Variants in GNG12 observed in about 807,000 individuals in gnomAD.
The protein encoded by GNG12 is G protein subunit gamma 12, also known as guanine nucleotide-binding protein G(I)/G(S)/G(O) subunit gamma-12.
For missense variants in GNG12, 69 were observed against 83.8 expected (o/e 0.82, Z 0.69); for synonymous variants, 28 against 29.7 (o/e 0.94, Z 0.19).
intron 1 of GNG12, among the ~76,000 whole-genome samples, chr1:67,817,452 G>A (rs946962535): frequency 2.6e-5 from 4 of 152,200 alleles, no homozygotes; most frequent in Non-Finnish European, 4.4e-5. Context: ...GAATGGCAGA[G>A]CTGGGCTTTG....
intron 1 of GNG12, among the ~76,000 whole-genome samples, chr1:67,787,070 T>TGTG (rs1491226955): frequency 2.2e-4 from 31 of 139,562 alleles, no homozygotes; most frequent in African/African-American, 8.5e-4. Context: ...TGTGTGTGTG[T>TGTG]ATAGTCCCCC....
At chr1:67,718,436 A>C (rs1447546433) in intron 2 of GNG12, among the ~76,000 whole-genome samples, 1 of 152,230 alleles carries the variant, frequency 6.6e-6, no homozygotes, top group Non-Finnish European at 1.5e-5. Flanking sequence ...AATATTATTG[A>C]AATGTTTTTT....
intron 2 of GNG12, among the ~76,000 whole-genome samples, chr1:67,712,397 A>G (rs1423218942): frequency 6.6e-6 from 1 of 152,232 alleles, no homozygotes; most frequent in African/African-American, 2.4e-5. Flanking sequence ...TCTTGCTTCA[A>G]AAGTTAACCC....
chr1:67,746,366 C>T (rs1049020154), intron 2 of GNG12, among the ~76,000 whole-genome samples: 1 of 152,198 alleles, frequency 6.6e-6, no homozygotes, highest in Non-Finnish European at 1.5e-5. Flanking sequence ...CCCACTTTCC[C>T]CTCTAGCTCG....
chr1:67,808,139 G>A (rs1242225458), intron 1 of GNG12, among the ~76,000 whole-genome samples: 5 of 152,076 alleles, frequency 3.3e-5, no homozygotes, highest in Non-Finnish European at 5.9e-5. Flanking sequence ...GGTAAGTAAG[G>A]CTGGTTCAAT....
intron 2 of GNG12, among the ~76,000 whole-genome samples, chr1:67,717,238 G>T (rs1012887392): frequency 3.9e-5 from 6 of 152,100 alleles, no homozygotes; most frequent in African/African-American, 1.4e-4. Flanking sequence ...CTACTCGGCC[G>T]GGTATGGTGG....
At chr1:67,740,919 T>C (rs903137747) in intron 2 of GNG12, among the ~76,000 whole-genome samples, 2 of 152,202 alleles carry the variant, frequency 1.3e-5, no homozygotes, top group Non-Finnish European at 2.9e-5. Context: ...CAATTTATGG[T>C]ATTTTTGCTG....
intron 1 of GNG12, among the ~76,000 whole-genome samples, chr1:67,801,281 G>A (rs1223732310): frequency 6.6e-6 from 1 of 152,194 alleles, no homozygotes; most frequent in East Asian, 1.9e-4. Context: ...TGAATATGTG[G>A]AACTCTCACA....
At position 67,787,893 on chromosome 1, in the gene GNG12, C is replaced by T. The variant is rs72924708; in HGVS notation, c.-76-10386G>A. Among the ~76,000 whole-genome samples the T allele has an allele frequency of 4.0e-3, 603 of 152,276 alleles. 7 individuals are homozygous for T. Among genetic ancestry groups the T allele is most frequent in the African/African-American group, 0.014 (582 of 41,560 alleles). On this transcript the variant is annotated intron_variant, in intron 1 of 3. Transcript: ENST00000370982. ...TCATCTTGCTTTGCCTGGGACTTCCCAGTTTTTGTACTGAAAGTCTCATGT... is the reference window on the plus strand; with the variant it reads ...TCATCTTGCTTTGCCTGGGACTTCCTAGTTTTTGTACTGAAAGTCTCATGT...
chr1:67,742,861 A>G (rs957040940), intron 2 of GNG12, among the ~76,000 whole-genome samples: 2 of 152,146 alleles, frequency 1.3e-5, no homozygotes, highest in Non-Finnish European at 1.5e-5. Context: ...TTACACATCA[A>G]ACTAGTGGTT....
chr1:67,775,261 G>A (rs1390831584), intron 2 of GNG12, among the ~76,000 whole-genome samples: 1 of 152,220 alleles, frequency 6.6e-6, no homozygotes, highest in African/African-American at 2.4e-5. Flanking sequence ...CTGAGGCTCA[G>A]GAAGACTGAG....
chr1:67,776,900 C>T (rs1431261457), intron 2 of GNG12, among the ~76,000 whole-genome samples: 2 of 152,076 alleles, frequency 1.3e-5, no homozygotes, highest in Non-Finnish European at 2.9e-5. Flanking sequence ...GGGAGTGATG[C>T]TATATGAAGC....
intron 2 of GNG12, among the ~76,000 whole-genome samples, chr1:67,766,757 C>T (rs1404862847): frequency 6.6e-6 from 1 of 152,098 alleles, no homozygotes; most frequent in Non-Finnish European, 1.5e-5. Flanking sequence ...AGTGCCTGCC[C>T]TCCCTTCCTG....
chr1:67,798,773 G>A (rs1363172911), intron 1 of GNG12, among the ~76,000 whole-genome samples: 1 of 152,094 alleles, frequency 6.6e-6, no homozygotes, highest in Non-Finnish European at 1.5e-5. Flanking sequence ...GGCCAACATA[G>A]TGAAAGCCCG....
intron 2 of GNG12, among the ~76,000 whole-genome samples, chr1:67,754,224 G>C (rs1043848101): frequency 1.3e-5 from 2 of 152,014 alleles, no homozygotes; most frequent in Admixed American, 1.3e-4. Flanking sequence ...TATGACTGCC[G>C]GTCACCTCTT....
chr1:67,720,288 C>A (rs1475621013), intron 2 of GNG12, among the ~76,000 whole-genome samples: 1 of 152,192 alleles, frequency 6.6e-6, no homozygotes, highest in African/African-American at 2.4e-5. Flanking sequence ...AAGGCGGGCC[C>A]ATGGGGAGTA....
intron 1 of GNG12, among the ~76,000 whole-genome samples, chr1:67,822,981 T>C (rs897393737): frequency 1.3e-5 from 2 of 152,202 alleles, no homozygotes; most frequent in Non-Finnish European, 2.9e-5. Context: ...CCCACATCCT[T>C]TGTAGAGTCC....
At chr1:67,710,404 G>C (rs141265965) in intron 2 of GNG12, among the ~76,000 whole-genome samples, 1 of 150,826 alleles carries the variant, frequency 6.6e-6, no homozygotes, top group East Asian at 1.9e-4. Context: ...CTTTGCATGA[G>C]GATAAGGTCA....
chr1:67,702,940 AT>A lies in GNG12; in HGVS notation c.*2510del, dbSNP rs1176478024. The A allele has an allele frequency of 6.6e-6, 1 of 152,220 alleles. No homozygotes were observed. Among genetic ancestry groups the A allele is most frequent in the Non-Finnish European group, 1.5e-5 (1 of 68,020 alleles). 9.4% of individuals were successfully genotyped at this position (152,220 alleles called of 1,614,324 possible). Reference sequence around the variant, plus strand: ...TTGGAAAAAGTAACAAACACTGGGTATTTGTCTATCATTAACATAAACCAAC... The same window carrying A: ...TTGGAAAAAGTAACAAACACTGGGTATTGTCTATCATTAACATAAACCAAC... On this transcript the variant is annotated 3_prime_UTR_variant, in exon 4 of 4. Coordinates refer to ENST00000370982, the MANE Select transcript of GNG12 (RefSeq NM_018841.6).
Sources: gnomAD v4.1 joint callset for allele counts (sites outside exome capture counted in the v4.1 genomes callset) on GRCh38, gnomAD v4.1.1 for gene constraint, MANE v1.5 for transcripts, NCBI Gene and HGNC (gene_info 2026-07-23, HGNC 2026-07-21) for gene names.